MSRA: variants seen among roughly 807,000 people sequenced by gnomAD.
MSRA encodes the protein methionine sulfoxide reductase A.
Under a neutral mutation model 31.3 loss-of-function variants are expected in MSRA, and 54 were observed. The ratio of observed to expected loss-of-function variants is 1.73; its 90% confidence interval spans 1.39 to 2.17. The LOEUF (loss-of-function observed/expected upper bound fraction) is 2.17, where lower values mean the gene tolerates loss of function less well. Among genes scored for constraint, MSRA ranks in the 30% most tolerant of loss-of-function variants. The probability of loss-of-function intolerance (pLI) is 0.00; values close to 1 mark genes in which losing one functional copy is unlikely to be tolerated. For synonymous variants in MSRA, 169 were observed against 116.5 expected (o/e 1.45, Z -2.90); for missense variants, 507 against 300.9 (o/e 1.69, Z -5.07).
At chr8:10,337,118 T>C (rs1211655612) in intron 5 of MSRA, 1 of 152,072 alleles carries the variant, frequency 6.6e-6, no homozygotes, top group Non-Finnish European at 1.5e-5. Context: ...CCTCCTGAGA[T>C]ATGTGTACAG....
At chr8:10,271,943 G>C (rs975350666) in intron 3 of MSRA, among the ~76,000 whole-genome samples, 2 of 152,084 alleles carry the variant, frequency 1.3e-5, no homozygotes, top group African/African-American at 4.8e-5. Flanking sequence ...CTCAACCTAA[G>C]GTGACCCGCA....
At chr8:10,332,020 G>T (rs1271261551) in intron 5 of MSRA, among the ~76,000 whole-genome samples, 1 of 152,196 alleles carries the variant, frequency 6.6e-6, no homozygotes. Flanking sequence ...ACTTCATCCT[G>T]CCTTTCTAGA....
At chr8:10,081,081 A>C (rs1047284705) in intron 1 of MSRA, among the ~76,000 whole-genome samples, 2 of 152,252 alleles carry the variant, frequency 1.3e-5, no homozygotes, top group Admixed American at 1.3e-4. Context: ...GGGCAGGGCC[A>C]CAGGCCAAGC....
At chr8:10,227,869 A>C (rs1811132573) in intron 2 of MSRA, among the ~76,000 whole-genome samples, 1 of 152,232 alleles carries the variant, frequency 6.6e-6, no homozygotes, top group Admixed American at 6.5e-5. Flanking sequence ...GGGATAAGGA[A>C]GGTGTCTTGT....
intron 5 of MSRA, among the ~76,000 whole-genome samples, chr8:10,344,838 T>C (rs528185831): frequency 1.3e-5 from 2 of 152,292 alleles, no homozygotes; most frequent in Admixed American, 1.3e-4. Context: ...ATATTTATTC[T>C]TCCTTAGTGT....
At chr8:10,279,834 T>C (rs139768850) in intron 3 of MSRA, among the ~76,000 whole-genome samples, 515 of 152,332 alleles carry the variant, frequency 3.4e-3, no homozygotes, top group Non-Finnish European at 5.3e-3. Flanking sequence ...TATGTATATA[T>C]GTATGATGTA....
chr8:10,110,692 G>A (rs903576266), intron 1 of MSRA, among the ~76,000 whole-genome samples: 2 of 152,144 alleles, frequency 1.3e-5, no homozygotes, highest in African/African-American at 2.4e-5. Context: ...TAGTGATCGC[G>A]CTTTCTCCCA....
intron 4 of MSRA, among the ~76,000 whole-genome samples, chr8:10,317,894 C>T (rs1453984889): frequency 2.6e-5 from 4 of 152,102 alleles, no homozygotes; most frequent in African/African-American, 9.7e-5. Flanking sequence ...CTGATCTTTC[C>T]ACGCATCTCT....
At chr8:10,226,073 G>A (rs1174667198) in intron 2 of MSRA, among the ~76,000 whole-genome samples, 1 of 152,190 alleles carries the variant, frequency 6.6e-6, no homozygotes, top group African/African-American at 2.4e-5. Context: ...CATGGTTCCT[G>A]TTATGAGATT....
chr8:10,197,069 G>A (rs1808058928), intron 1 of MSRA, among the ~76,000 whole-genome samples: 2 of 151,906 alleles, frequency 1.3e-5, no homozygotes, highest in Admixed American at 1.3e-4. Flanking sequence ...TATTCACAAG[G>A]GTGTCACAGG....
At chr8:10,279,637 A>C (rs1799512650) in intron 3 of MSRA, among the ~76,000 whole-genome samples, 1 of 152,216 alleles carries the variant, frequency 6.6e-6, no homozygotes, top group African/African-American at 2.4e-5. Context: ...CCATTTAAGT[A>C]GTTACAAAAT....
At chr8:10,207,737 AAAG>A in intron 1 of MSRA, 93 bp from the exon 2 acceptor site, 1 of 1,178,000 alleles carries the variant, frequency 8.5e-7, no homozygotes, top group Non-Finnish European at 1.2e-6. Context: ...TTTTTAACTC[AAAG>A]GAGAAATAGG....
chr8:10,398,380 G>C (rs914417942), intron 5 of MSRA, among the ~76,000 whole-genome samples: 1 of 152,172 alleles, frequency 6.6e-6, no homozygotes, highest in Non-Finnish European at 1.5e-5. Context: ...TGGCTCCTCT[G>C]GTCCCTTGCC....
At chr8:10,121,632 G>C (rs184171690) in intron 1 of MSRA, among the ~76,000 whole-genome samples, 1 of 152,110 alleles carries the variant, frequency 6.6e-6, no homozygotes, top group African/African-American at 2.4e-5. Flanking sequence ...AAAGAAGAGA[G>C]GCACCTGCTA....
At chr8:10,194,995 C>T (rs1180178680) in intron 1 of MSRA, among the ~76,000 whole-genome samples, 2 of 152,228 alleles carry the variant, frequency 1.3e-5, no homozygotes, top group East Asian at 1.9e-4. Flanking sequence ...CAGTACTATT[C>T]TCCTGCACTT....
chr8:10,075,975 C>G (rs1797976318), intron 1 of MSRA, among the ~76,000 whole-genome samples: 1 of 152,160 alleles, frequency 6.6e-6, no homozygotes, highest in African/African-American at 2.4e-5. Flanking sequence ...TCTGCCGCCT[C>G]AGTATAAATA....
chr8:10,187,353 G>C (rs370176607), intron 1 of MSRA, among the ~76,000 whole-genome samples: 2 of 152,184 alleles, frequency 1.3e-5, no homozygotes, highest in Non-Finnish European at 2.9e-5. Context: ...TTGGAAAGAA[G>C]CACAGGAAAG....
At chr8:10,265,331 T>G (rs1053184641) in intron 3 of MSRA, among the ~76,000 whole-genome samples, 1 of 152,086 alleles carries the variant, frequency 6.6e-6, no homozygotes, top group Non-Finnish European at 1.5e-5. Flanking sequence ...GGGGGGAGAT[T>G]GAGGTAGGAC....
chr8:10,245,788 G>T (rs562149770), intron 3 of MSRA, among the ~76,000 whole-genome samples: 86 of 152,324 alleles, frequency 5.6e-4, no homozygotes, highest in South Asian at 2.3e-3. Context: ...TTCTCTGTTT[G>T]TGTTACGTTC....
Sources: allele counts gnomAD v4.1 joint callset (sites outside exome capture counted in the v4.1 genomes callset), GRCh38; gene constraint gnomAD v4.1.1; transcripts MANE v1.5; gene names NCBI Gene and HGNC (gene_info 2026-07-23, HGNC 2026-07-21).